Variants in ACTR8 observed in about 807,000 individuals in gnomAD.
The protein encoded by ACTR8 is actin-related protein 8.
In ACTR8, 70 loss-of-function variants were observed where a neutral mutation model predicts 84.3. The observed-to-expected ratio is 0.83, with a 90% CI of 0.68 to 1.01. ACTR8 has a LOEUF of 1.01. Among genes scored for constraint, ACTR8 ranks in the 50% least tolerant of loss-of-function variants. ACTR8 has a pLI of 0.00. For missense variants in ACTR8, 672 were observed against 775.4 expected (o/e 0.87, Z 1.58); for synonymous variants, 268 against 275.2 (o/e 0.97, Z 0.26).
chr3:53,881,509 T>G (rs1700059735), intron 1 of ACTR8, among the ~76,000 whole-genome samples: 1 of 152,206 alleles, frequency 6.6e-6, no homozygotes, highest in South Asian at 2.1e-4. Flanking sequence ...TGAAATGACT[T>G]CCATTATCTG....
In ACTR8 at chr3:53,877,771, GA is replaced by G; in HGVS notation, c.406-21del. ...GCGTGCCTGAAAAGAAAAACCATCA[GA>G]AAATTATCTCAATTTATTCAAGGCG... On this transcript the variant is annotated intron_variant, in intron 3 of 12. Coordinates refer to ENST00000335754, the MANE Select transcript of ACTR8 (RefSeq NM_022899.5). 6.2e-7 allele frequency: 1 copy of G among 1,601,150 alleles called. No individual in the cohort carries two copies. Among genetic ancestry groups the G allele is most frequent in the Non-Finnish European group, 8.6e-7 (1 of 1,168,504 alleles).
At chr3:53,869,173 C>G (rs9849951) in intron 12 of ACTR8, among the ~76,000 whole-genome samples, 47,883 of 151,874 alleles carry the variant, frequency 0.32, 7,686 homozygotes, top group East Asian at 0.48. Flanking sequence ...CCCAGCTACT[C>G]AGGAGGCTGA....
At chr3:53,871,530 T>C (rs776845150) in intron 10 of ACTR8, 34 bp from the exon 11 acceptor site, 3 of 1,609,860 alleles carry the variant, frequency 1.9e-6, no homozygotes, top group African/African-American at 2.7e-5. Context: ...GTATGTGGTA[T>C]TACAACAACA....
chr3:53,873,189 A>T, intron 8 of ACTR8, 62 bp from the exon 9 acceptor site: 2 of 1,329,594 alleles, frequency 1.5e-6, no homozygotes, highest in Non-Finnish European at 2.1e-6. Context: ...TCTTCAAATT[A>T]TGCTTCAGCC....
At chr3:53,864,917 TAGC>T, downstream of ACTR8, 1 of 1,614,062 alleles carries the variant, frequency 6.2e-7, no homozygotes, top group South Asian at 1.1e-5. Flanking sequence ...AAAAAGAAAA[TAGC>T]AGAGATGGGT....
chr3:53,864,937 C>G, downstream of ACTR8: 1 of 1,614,156 alleles, frequency 6.2e-7, no homozygotes, highest in Non-Finnish European at 8.5e-7. Context: ...GGGTCCAGTG[C>G]AGTGGCTTGC....
the ACTR8 span, chr3:53,859,027 C>T: frequency 6.1e-5 from 29 of 477,002 alleles, no homozygotes; most frequent in African/African-American, 5.2e-4. Flanking sequence ...TAAAACCACT[C>T]GTGACTCTTT....
chr3:53,860,676 TC>T, the ACTR8 span: 581 of 152,582 alleles, frequency 3.8e-3, 4 homozygotes, highest in African/African-American at 0.013. Flanking sequence ...CTGGATTTTT[TC>T]AATACATATA....
In ACTR8 at chr3:53,879,524, CATA is replaced by C. The variant is rs768518284; in HGVS notation, c.294+412_294+414del. Among the ~76,000 whole-genome samples the C allele has an allele frequency of 4.8e-4, 73 of 152,168 alleles. 1 individual carries two copies. The highest frequency in any genetic ancestry group is 2.8e-3 in the Admixed American group (43 of 15,276). On this transcript the variant is annotated intron_variant, in intron 2 of 12. Coordinates refer to ENST00000335754, the MANE Select transcript of ACTR8 (RefSeq NM_022899.5). ...CTTGAAATTATGGTTAATCTAAGAC[CATA>C]ATAAGTGCTTATTGTAACAATCTAA...
intron 4 of ACTR8, 25 bp from the exon 5 acceptor site, chr3:53,877,412 T>A: frequency 6.4e-7 from 1 of 1,563,226 alleles, no homozygotes; most frequent in Non-Finnish European, 8.6e-7. Context: ...GGGAGATGAG[T>A]ACTTTGTTAA....
chr3:53,878,738 T>G (rs1345911746), intron 2 of ACTR8, among the ~76,000 whole-genome samples: 2 of 152,136 alleles, frequency 1.3e-5, no homozygotes, highest in African/African-American at 4.8e-5. Flanking sequence ...GTGGAAAGAT[T>G]GCTTGAGCCC....
chr3:53,880,155 G>C, intron 1 of ACTR8, 46 bp from the exon 2 acceptor site: 2 of 1,565,478 alleles, frequency 1.3e-6, no homozygotes, highest in East Asian at 4.5e-5. Flanking sequence ...ATAATATGCA[G>C]GTAACAAAGT....
chr3:53,862,359 T>C (rs1699593646), downstream of ACTR8, among the ~76,000 whole-genome samples: 1 of 152,140 alleles, frequency 6.6e-6, no homozygotes, highest in Admixed American at 6.5e-5. Flanking sequence ...GAGAACAACA[T>C]GGAAGTCTGG....
At chr3:53,875,330 TC>T (rs1278828884) in intron 7 of ACTR8, among the ~76,000 whole-genome samples, 5 of 152,252 alleles carry the variant, frequency 3.3e-5, no homozygotes, top group African/African-American at 1.2e-4. Context: ...AATGAAAGCA[TC>T]CTGAGGGGCA....
chr3:53,865,197 C>T, downstream of ACTR8: 1 of 1,614,088 alleles, frequency 6.2e-7, no homozygotes, highest in Non-Finnish European at 8.5e-7. Flanking sequence ...GCCCCAAGTA[C>T]CACCTCATGA....
At chr3:53,875,465 T>C (rs1041363151) in intron 7 of ACTR8, among the ~76,000 whole-genome samples, 3 of 152,192 alleles carry the variant, frequency 2.0e-5, no homozygotes, top group Non-Finnish European at 4.4e-5. Context: ...CTGATAGTTA[T>C]TTTCTTTACC....
downstream of ACTR8, chr3:53,864,922 G>A: frequency 6.2e-7 from 1 of 1,614,206 alleles, no homozygotes; most frequent in Non-Finnish European, 8.5e-7. Context: ...GAAAATAGCA[G>A]AGATGGGTCC....
chr3:53,874,066 C>T (rs1699930187), intron 8 of ACTR8, 145 bp downstream of exon 8: 3 of 660,660 alleles, frequency 4.5e-6, no homozygotes, highest in Admixed American at 3.7e-5. Context: ...CCTCATGATC[C>T]ACCCACCTCG....
chr3:53,863,243 T>TAGG (rs952196920), downstream of ACTR8, among the ~76,000 whole-genome samples: 28 of 152,192 alleles, frequency 1.8e-4, no homozygotes, highest in African/African-American at 5.8e-4. Context: ...TCAAAGGTTA[T>TAGG]AGGAGATTTT....
Sources: allele counts gnomAD v4.1 joint callset (sites outside exome capture counted in the v4.1 genomes callset), GRCh38; gene constraint gnomAD v4.1.1; transcripts MANE v1.5; gene names NCBI Gene and HGNC (gene_info 2026-07-23, HGNC 2026-07-21).